The following ZNF804B variants were observed in gnomAD, a reference collection of about 807,000 sequenced individuals.
The protein encoded by ZNF804B is zinc finger protein 804B.
Under a neutral mutation model 101.4 loss-of-function variants are expected in ZNF804B, and 80 were observed. The observed-to-expected ratio is 0.79, with a 90% confidence interval of 0.66 to 0.95. The LOEUF (loss-of-function observed/expected upper bound fraction) is 0.95, where lower values mean the gene tolerates loss of function less well. Among genes scored for constraint, ZNF804B ranks in the 40% least tolerant of loss-of-function variants. The pLI is 0.00. For missense variants in ZNF804B, 1,673 were observed against 1,561.9 expected (o/e 1.07, Z -1.20); for synonymous variants, 622 against 558.8 (o/e 1.11, Z -1.59).
chr7:88,973,965 T>C (rs1793574536), intron 1 of ZNF804B, among the ~76,000 whole-genome samples: 1 of 151,374 alleles, frequency 6.6e-6, no homozygotes, highest in Non-Finnish European at 1.5e-5. Flanking sequence ...TGGACTACCA[T>C]AGAAAGTACA....
At chr7:89,332,665 C>T (rs1239201976) in intron 3 of ZNF804B, among the ~76,000 whole-genome samples, 3 of 151,612 alleles carry the variant, frequency 2.0e-5, no homozygotes, top group South Asian at 4.1e-4. Context: ...AACAAATAAC[C>T]TTTTGAGACC....
At chr7:89,179,511 T>G (rs1332904431) in intron 1 of ZNF804B, among the ~76,000 whole-genome samples, 1 of 152,236 alleles carries the variant, frequency 6.6e-6, no homozygotes, top group Non-Finnish European at 1.5e-5. Flanking sequence ...ATCTTTCTGT[T>G]AAATTTATCT....
intron 1 of ZNF804B, among the ~76,000 whole-genome samples, chr7:88,953,104 T>G (rs1297144384): frequency 2.0e-5 from 3 of 151,814 alleles, no homozygotes; most frequent in Non-Finnish European, 2.9e-5. Context: ...CTTCTCCTAA[T>G]TTTTTATTTC....
chr7:89,304,516 GGTATGTGTGTGTATGTGTGTGTGT>G (rs1790531336), intron 2 of ZNF804B, among the ~76,000 whole-genome samples: 1 of 146,506 alleles, frequency 6.8e-6, no homozygotes, highest in Non-Finnish European at 1.5e-5. Flanking sequence ...AGGATGTGTG[GGTATGTGTGTGTATGTGTGTGTGT>G]GTATGTGTGT....
At chr7:88,850,446 T>C (rs1485429150) in intron 1 of ZNF804B, among the ~76,000 whole-genome samples, 2 of 152,136 alleles carry the variant, frequency 1.3e-5, no homozygotes, top group Non-Finnish European at 2.9e-5. Flanking sequence ...TCAGTGCGTG[T>C]ATATGTGAAA....
intron 1 of ZNF804B, among the ~76,000 whole-genome samples, chr7:89,204,627 A>G (rs1292294640): frequency 1.3e-5 from 2 of 152,168 alleles, no homozygotes; most frequent in Non-Finnish European, 2.9e-5. Flanking sequence ...AAATCTCTTC[A>G]TGCAAAGTAA....
At chr7:89,053,058 A>G (rs1282285744) in intron 1 of ZNF804B, among the ~76,000 whole-genome samples, 1 of 152,158 alleles carries the variant, frequency 6.6e-6, no homozygotes, top group East Asian at 1.9e-4. Context: ...TGATACATAC[A>G]ATTTAATTCA....
At chr7:89,319,861 G>T (rs907113996) in intron 2 of ZNF804B, among the ~76,000 whole-genome samples, 1 of 152,090 alleles carries the variant, frequency 6.6e-6, no homozygotes, top group African/African-American at 2.4e-5. Flanking sequence ...CCCAACACTC[G>T]TACTTGAGGG....
intron 2 of ZNF804B, among the ~76,000 whole-genome samples, chr7:89,270,035 G>A (rs1412060095): frequency 6.6e-6 from 1 of 152,124 alleles, no homozygotes; most frequent in Non-Finnish European, 1.5e-5. Context: ...TCTGATGGTA[G>A]TTTCTTTTGC....
chr7:89,159,432 A>G (rs1245135555), intron 1 of ZNF804B, among the ~76,000 whole-genome samples: 1 of 152,156 alleles, frequency 6.6e-6, no homozygotes, highest in Non-Finnish European at 1.5e-5. Context: ...GATCTTGGAC[A>G]CATTACCTAA....
intron 2 of ZNF804B, among the ~76,000 whole-genome samples, chr7:89,305,232 T>G (rs544306509): frequency 6.6e-6 from 1 of 152,036 alleles, no homozygotes; most frequent in East Asian, 1.9e-4. Flanking sequence ...TCATTATTAT[T>G]ATTAAATATT....
intron 2 of ZNF804B, among the ~76,000 whole-genome samples, chr7:89,254,768 C>T (rs1371891678): frequency 6.6e-6 from 1 of 151,990 alleles, no homozygotes; most frequent in African/African-American, 2.4e-5. Context: ...GCCTCAGCGT[C>T]CCCAGTAGCT....
chr7:88,787,577 T>C (rs1790320924), intron 1 of ZNF804B, among the ~76,000 whole-genome samples: 1 of 152,194 alleles, frequency 6.6e-6, no homozygotes, highest in Admixed American at 6.6e-5. Flanking sequence ...TGTAATGAAG[T>C]GTTTAAACGT....
Position 88,759,869 on chromosome 7 carries a change from C to A in ZNF804B, c.-108C>A, listed in dbSNP as rs935292538. The A allele has an allele frequency of 4.7e-6, 4 of 855,486 alleles. No individual in the cohort carries two copies. The highest frequency in any genetic ancestry group is 1.7e-5 in the African/African-American group (1 of 59,492). 53.0% of individuals were successfully genotyped at this position (855,486 alleles called of 1,614,324 possible). A position where few individuals can be genotyped will look rare whatever the true frequency, so the allele number is the denominator to read the frequency against. On this transcript the variant is annotated 5_prime_UTR_variant, in exon 1 of 4. Transcript: ENST00000333190. ...GCCTCCCCCTGCGTCCTGCTGGCCG[C>A]GTCTTCTCGGGAGGTGGTAGTCGCT...
intron 1 of ZNF804B, among the ~76,000 whole-genome samples, chr7:89,113,577 A>G (rs1264543497): frequency 2.0e-5 from 3 of 152,172 alleles, no homozygotes; most frequent in African/African-American, 7.2e-5. Flanking sequence ...CATTACCATC[A>G]TTGCCATCAG....
At chr7:89,008,451 C>A (rs375215255) in intron 1 of ZNF804B, among the ~76,000 whole-genome samples, 3 of 152,262 alleles carry the variant, frequency 2.0e-5, no homozygotes, top group African/African-American at 7.2e-5. Context: ...AGTCTCAGAT[C>A]AATTCTGAGA....
At chr7:89,092,508 G>A (rs1339650546) in intron 1 of ZNF804B, among the ~76,000 whole-genome samples, 7 of 141,954 alleles carry the variant, frequency 4.9e-5, no homozygotes, top group Admixed American at 7.5e-5. Context: ...CGCCTCCCGA[G>A]TTCAAGTGAT....
chr7:89,134,943 C>A, intron 1 of ZNF804B, among the ~76,000 whole-genome samples: 1 of 151,930 alleles, frequency 6.6e-6, no homozygotes, highest in East Asian at 1.9e-4. Flanking sequence ...AGTTTTATTG[C>A]ATTGACCTTA....
chr7:89,247,959 G>A (rs1465107142), intron 2 of ZNF804B, among the ~76,000 whole-genome samples: 1 of 152,122 alleles, frequency 6.6e-6, no homozygotes, highest in Non-Finnish European at 1.5e-5. Context: ...AAAATACAAT[G>A]GAAAGCTTTA....
Sources: allele counts gnomAD v4.1 joint callset (sites outside exome capture counted in the v4.1 genomes callset), GRCh38; gene constraint gnomAD v4.1.1; transcripts MANE v1.5; gene names NCBI Gene and HGNC (gene_info 2026-07-23, HGNC 2026-07-21).